CDYL: variants seen among roughly 807,000 people sequenced by gnomAD.
CDYL encodes the protein chromodomain Y like.
Under a neutral mutation model 47.3 loss-of-function variants are expected in CDYL, and 8 were observed. The ratio of observed to expected loss-of-function variants is 0.17; its 90% CI spans 0.10 to 0.31. The LOEUF is 0.31. Among genes scored for constraint, CDYL ranks in the 10% least tolerant of loss-of-function variants. The probability of loss-of-function intolerance (pLI) is 1.00; values close to 1 mark genes in which losing one functional copy is unlikely to be tolerated. For synonymous variants in CDYL, 266 were observed against 265.0 expected, an observed-to-expected ratio of 1.00 and a Z score of -0.04; for missense variants, 471 against 701.4, an observed-to-expected ratio of 0.67 and a Z score of 3.71.
chr6:4,817,126 A>AT (rs1458250033), intron 1 of CDYL, among the ~76,000 whole-genome samples: 1 of 152,048 alleles, frequency 6.6e-6, no homozygotes, highest in African/African-American at 2.4e-5. Context: ...CAGGCATTGT[A>AT]TTTTTTTGGT....
chr6:4,745,140 A>G (rs1418140489), intron 3 of CDYL, among the ~76,000 whole-genome samples: 1 of 152,038 alleles, frequency 6.6e-6, no homozygotes, highest in Non-Finnish European at 1.5e-5. Context: ...AATTTTATTT[A>G]TTGTAGACGA....
chr6:4,953,326 G>A (rs141176366), intron 6 of CDYL, among the ~76,000 whole-genome samples: 2,085 of 151,892 alleles, frequency 0.014, 61 homozygotes, highest in African/African-American at 0.046. Context: ...GGAGATTGCA[G>A]TGAGCGGAGA....
At chr6:4,856,360 C>A (rs938794637) in intron 1 of CDYL, among the ~76,000 whole-genome samples, 18 of 152,020 alleles carry the variant, frequency 1.2e-4, no homozygotes, top group Non-Finnish European at 5.9e-5. Context: ...AGAGGTCGGC[C>A]GGATAGATAA....
chr6:4,941,004 C>T (rs1287855568), intron 4 of CDYL, among the ~76,000 whole-genome samples: 2 of 152,222 alleles, frequency 1.3e-5, no homozygotes, highest in Non-Finnish European at 1.5e-5. Flanking sequence ...ATGTGATTTT[C>T]CAGCTGTTTG....
At chr6:4,901,376 T>C (rs1336300736) in intron 2 of CDYL, among the ~76,000 whole-genome samples, 2 of 152,200 alleles carry the variant, frequency 1.3e-5, no homozygotes, top group East Asian at 3.9e-4. Flanking sequence ...AGTCAGGTAC[T>C]GGCCTTCTGG....
At chr6:4,886,263 G>GT (rs1761897364) in intron 1 of CDYL, among the ~76,000 whole-genome samples, 2 of 152,218 alleles carry the variant, frequency 1.3e-5, no homozygotes, top group African/African-American at 4.8e-5. Flanking sequence ...ATACCTAGGA[G>GT]TGGAGTTGCT....
rs397975784 is a variant in CDYL, at chr6:4,811,608, C to CTTTTT, written c.24+34816_24+34820dup. Among the ~76,000 whole-genome samples the CTTTTT allele has an allele frequency of 9.7e-3, 1,230 of 126,684 alleles. 36 individuals are homozygous for CTTTTT. Among genetic ancestry groups the CTTTTT allele is most frequent in the African/African-American group, 0.035 (1,179 of 33,896 alleles). The allele number at this position is 126,684 out of a possible 152,430, so 83.1% of individuals were successfully genotyped here. A position where few individuals can be genotyped will look rare whatever the true frequency, so the allele number is the denominator to read the frequency against. ...TACACAAGTACTCAATGACATTATT[C>CTTTTT]TTTTTTTTTTTTTTTTTTTGAGACA... On this transcript the variant is annotated intron_variant, in intron 1 of 6. Transcript: ENST00000397588.
At chr6:4,802,308 C>T (rs534625548) in intron 1 of CDYL, among the ~76,000 whole-genome samples, 1 of 152,244 alleles carries the variant, frequency 6.6e-6, no homozygotes, top group Non-Finnish European at 1.5e-5. Flanking sequence ...GAGGATGAGG[C>T]ATGAGTCTCA....
At chr6:4,835,890 G>C (rs1466062331) in intron 1 of CDYL, among the ~76,000 whole-genome samples, 1 of 152,210 alleles carries the variant, frequency 6.6e-6, no homozygotes, top group African/African-American at 2.4e-5. Flanking sequence ...GCCAGGTGCG[G>C]GATATAATCT....
At chr6:4,816,390 T>G (rs1035468297) in intron 1 of CDYL, among the ~76,000 whole-genome samples, 3 of 152,062 alleles carry the variant, frequency 2.0e-5, no homozygotes, top group African/African-American at 7.2e-5. Context: ...AAGAAACTAC[T>G]ACTACGAAGA....
intron 3 of CDYL, among the ~76,000 whole-genome samples, chr6:4,756,901 T>C (rs1758083867): frequency 6.6e-6 from 1 of 152,198 alleles, no homozygotes; most frequent in Non-Finnish European, 1.5e-5. Flanking sequence ...TATAGCTTAT[T>C]GTGATGTTCA....
chr6:4,913,534 CAGAA>C (rs1757470505), intron 2 of CDYL, among the ~76,000 whole-genome samples: 1 of 152,178 alleles, frequency 6.6e-6, no homozygotes, highest in Non-Finnish European at 1.5e-5. Context: ...AAGCAGATAA[CAGAA>C]AGCCTGGTTG....
intron 2 of CDYL, among the ~76,000 whole-genome samples, chr6:4,926,702 GTC>G (rs1257736994): frequency 1.3e-5 from 2 of 152,184 alleles, no homozygotes; most frequent in African/African-American, 4.8e-5. Flanking sequence ...ATTATTCTAT[GTC>G]TCTCTCACCA....
At chr6:4,934,351 C>A (rs1419672583) in intron 2 of CDYL, among the ~76,000 whole-genome samples, 1 of 151,986 alleles carries the variant, frequency 6.6e-6, no homozygotes, top group Non-Finnish European at 1.5e-5. Context: ...TAAAAAAAAA[C>A]CTCTAGCAAT....
chr6:4,945,901 C>T (rs1758499809), intron 5 of CDYL, among the ~76,000 whole-genome samples: 1 of 152,240 alleles, frequency 6.6e-6, no homozygotes, highest in Admixed American at 6.5e-5. Context: ...TGGACTAGAC[C>T]TTCCATAGCC....
intron 2 of CDYL, among the ~76,000 whole-genome samples, chr6:4,717,140 T>C (rs1435951727): frequency 6.6e-6 from 1 of 151,772 alleles, no homozygotes; most frequent in Non-Finnish European, 1.5e-5. Context: ...TTGGAAGAGG[T>C]TGTCGTGGCT....
chr6:4,953,503 A>G (rs1165765126), intron 6 of CDYL, among the ~76,000 whole-genome samples: 1 of 152,234 alleles, frequency 6.6e-6, no homozygotes, highest in Non-Finnish European at 1.5e-5. Flanking sequence ...CAGGCAGACA[A>G]GCAACCCTCA....
In CDYL at chr6:4,942,689, CACCAAGCT is replaced by C. The variant is rs1442878932; in HGVS notation, c.1122-853_1122-846del. ...AATGCACATTCCTAAAGTGGTATGA[CACCAAGCT>C]ACCCTACATTGAAAAGCAGCCTACT... On this transcript the variant is annotated intron_variant, in intron 4 of 6. Transcript: ENST00000397588. Among the ~76,000 whole-genome samples the C allele has an allele frequency of 2.0e-5, 3 of 152,330 alleles. No homozygotes were observed. The East Asian group carries it at 5.8e-4, about 29-fold the overall frequency.
intron 5 of CDYL, among the ~76,000 whole-genome samples, chr6:4,950,995 C>T (rs1758685979): frequency 6.6e-6 from 1 of 152,112 alleles, no homozygotes; most frequent in Non-Finnish European, 1.5e-5. Context: ...GTTTTCCAGC[C>T]TCTGCCTGCA....
Sources: gnomAD v4.1 joint callset for allele counts (sites outside exome capture counted in the v4.1 genomes callset) on GRCh38, gnomAD v4.1.1 for gene constraint, MANE v1.5 for transcripts, NCBI Gene and HGNC (gene_info 2026-07-23, HGNC 2026-07-21) for gene names.